FOXP2: variants seen among roughly 807,000 people sequenced by gnomAD.
FOXP2 encodes forkhead box P2, also known as forkhead box protein P2.
A neutral mutation model predicts 115.8 loss-of-function variants in FOXP2; 12 were observed. That is an observed-to-expected ratio of 0.10 (90% CI 0.07 to 0.17). The LOEUF (loss-of-function observed/expected upper bound fraction) is 0.17, where lower values mean the gene tolerates loss of function less well. Among genes scored for constraint, FOXP2 ranks in the 10% least tolerant of loss-of-function variants. The pLI is 1.00. For synonymous variants in FOXP2, 328 were observed against 297.7 expected (o/e 1.10, Z -1.05); for missense variants, 629 against 843.5 (o/e 0.75, Z 3.15).
At position 114,642,282 on chromosome 7, in the gene FOXP2, G is replaced by T; in HGVS notation, c.776-128G>T. ...GCTGATAGTGTAAAAGTGATTTTTT[G>T]TTGTATATTAATTTATGCAGGTAAC... On this transcript the variant is annotated intron_variant, in intron 6 of 16. Transcript: ENST00000350908. 17 of 732,232 alleles carry T rather than the reference G, an allele frequency of 2.3e-5. No homozygotes were observed. The Admixed American group carries it at 2.5e-4, about 11-fold the overall frequency. 45.4% of individuals were successfully genotyped at this position (732,232 alleles called of 1,614,324 possible).
chr7:114,196,226 A>G (rs1440201300), intron 1 of FOXP2, among the ~76,000 whole-genome samples: 2 of 151,866 alleles, frequency 1.3e-5, no homozygotes, highest in African/African-American at 4.8e-5. Flanking sequence ...TGTCCAGGAT[A>G]GTCTCCATCT....
chr7:114,612,399 ATG>A (rs1803681247), intron 3 of FOXP2, among the ~76,000 whole-genome samples: 1 of 151,998 alleles, frequency 6.6e-6, no homozygotes, highest in South Asian at 2.1e-4. Context: ...ATATGTATAT[ATG>A]TGTGTATATA....
At chr7:114,104,892 A>G (rs1460849154) in intron 1 of FOXP2, among the ~76,000 whole-genome samples, 1 of 152,062 alleles carries the variant, frequency 6.6e-6, no homozygotes, top group Non-Finnish European at 1.5e-5. Context: ...AATATCTTGA[A>G]TATAATTTAA....
intron 1 of FOXP2, among the ~76,000 whole-genome samples, chr7:114,264,564 A>G (rs1795848226): frequency 6.6e-6 from 1 of 152,216 alleles, no homozygotes; most frequent in Non-Finnish European, 1.5e-5. Flanking sequence ...TCTTGTTTAC[A>G]CATATTACCT....
chr7:114,675,316 GA>G (rs930700438), intron 16 of FOXP2, among the ~76,000 whole-genome samples: 25 of 148,066 alleles, frequency 1.7e-4, no homozygotes, highest in South Asian at 1.5e-3. Flanking sequence ...CTTTGTCTTT[GA>G]AAAAAAAAAT....
At chr7:114,167,955 C>T (rs985671847) in intron 1 of FOXP2, among the ~76,000 whole-genome samples, 302 of 127,036 alleles carry the variant, frequency 2.4e-3, no homozygotes, top group Non-Finnish European at 3.6e-3. Flanking sequence ...AAAAAAAAAA[C>T]ACGAGAGTTT....
At chr7:114,357,724 A>G (rs962660673) in intron 2 of FOXP2, among the ~76,000 whole-genome samples, 1 of 152,190 alleles carries the variant, frequency 6.6e-6, no homozygotes, top group African/African-American at 2.4e-5. Context: ...TTAACTCCAT[A>G]GAGGATCAGT....
chr7:114,144,828 G>A (rs1002286091), intron 1 of FOXP2, among the ~76,000 whole-genome samples: 8 of 152,130 alleles, frequency 5.3e-5, no homozygotes, highest in African/African-American at 1.4e-4. Flanking sequence ...GAGTACAACA[G>A]TAACATGATA....
intron 2 of FOXP2, among the ~76,000 whole-genome samples, chr7:114,471,875 G>A (rs1167091893): frequency 6.6e-6 from 1 of 151,242 alleles, no homozygotes; most frequent in Non-Finnish European, 1.5e-5. Flanking sequence ...CAGGAGAATT[G>A]CTTGAACCCA....
rs1268480450 is a variant in FOXP2, at chr7:114,613,599, C to T, written c.259-14941C>T. Among the ~76,000 whole-genome samples, 8 of 150,692 alleles carry T rather than the reference C, an allele frequency of 5.3e-5. No individual in the cohort carries two copies. In the East Asian group the frequency reaches 9.8e-4, roughly 18 times the overall value. On this transcript the variant is annotated intron_variant, in intron 3 of 16. Coordinates refer to ENST00000350908, the MANE Select transcript of FOXP2 (RefSeq NM_014491.4). ...CTGAGGCAGGAGAATGGCATGAACC[C>T]GGGAGGCAGAGGTTGCAGTGAGCCT...
intron 2 of FOXP2, among the ~76,000 whole-genome samples, chr7:114,439,314 G>A (rs1794495538): frequency 6.6e-6 from 1 of 152,018 alleles, no homozygotes; most frequent in African/African-American, 2.4e-5. Context: ...ATGAACTTTG[G>A]CATGTTAACA....
At chr7:114,462,038 T>G (rs1420779625) in intron 2 of FOXP2, among the ~76,000 whole-genome samples, 2 of 151,838 alleles carry the variant, frequency 1.3e-5, no homozygotes, top group Non-Finnish European at 2.9e-5. Flanking sequence ...CACAGCATTT[T>G]GCGAGGCCGA....
chr7:114,661,912 A>G, intron 13 of FOXP2, 153 bp from the exon 14 acceptor site: 1 of 896,102 alleles, frequency 1.1e-6, no homozygotes, highest in Non-Finnish European at 1.7e-6. Context: ...TGTAAGTTTG[A>G]GGTTTGTAAT....
chr7:114,171,964 G>T (rs1793154420), intron 1 of FOXP2, among the ~76,000 whole-genome samples: 1 of 152,138 alleles, frequency 6.6e-6, no homozygotes, highest in Non-Finnish European at 1.5e-5. Flanking sequence ...CTCAGATGTG[G>T]TAGAAATAGA....
chr7:114,124,528 A>T (rs538577870), intron 1 of FOXP2, among the ~76,000 whole-genome samples: 3 of 152,162 alleles, frequency 2.0e-5, no homozygotes, highest in African/African-American at 7.2e-5. Context: ...TGATTAACAC[A>T]TGACATAATC....
At chr7:114,200,415 T>C (rs1483376501) in intron 1 of FOXP2, among the ~76,000 whole-genome samples, 1 of 152,210 alleles carries the variant, frequency 6.6e-6, no homozygotes, top group Non-Finnish European at 1.5e-5. Context: ...TTACTGGATA[T>C]AATTGGAAAG....
chr7:114,601,293 C>A (rs902826505), intron 3 of FOXP2, among the ~76,000 whole-genome samples: 9 of 151,996 alleles, frequency 5.9e-5, no homozygotes, highest in African/African-American at 2.2e-4. Flanking sequence ...CTGTGTTTTG[C>A]AGAATAGAAA....
At chr7:114,379,712 A>C (rs568243242) in intron 2 of FOXP2, among the ~76,000 whole-genome samples, 5 of 152,330 alleles carry the variant, frequency 3.3e-5, no homozygotes, top group African/African-American at 9.6e-5. Flanking sequence ...CAGGGATTGA[A>C]ATGTATGGCC....
intron 2 of FOXP2, among the ~76,000 whole-genome samples, chr7:114,448,912 T>G (rs982117077): frequency 2.6e-5 from 4 of 152,114 alleles, no homozygotes; most frequent in Non-Finnish European, 5.9e-5. Flanking sequence ...ATGGAACATT[T>G]TTGGTGAATA....
Sources: allele counts gnomAD v4.1 joint callset (sites outside exome capture counted in the v4.1 genomes callset), GRCh38; gene constraint gnomAD v4.1.1; transcripts MANE v1.5; gene names NCBI Gene and HGNC (gene_info 2026-07-23, HGNC 2026-07-21).